CMSS1: variants seen among roughly 807,000 people sequenced by gnomAD.
CMSS1 encodes the protein protein CMSS1.
Under a neutral mutation model 43.5 loss-of-function variants are expected in CMSS1, and 33 were observed. That is an observed-to-expected ratio of 0.76 (90% CI 0.57 to 1.01). The LOEUF (loss-of-function observed/expected upper bound fraction) is 1.01, where lower values mean the gene tolerates loss of function less well. Among genes scored for constraint, CMSS1 ranks in the 50% least tolerant of loss-of-function variants. CMSS1 has a pLI of 0.00. For missense variants in CMSS1, 313 were observed against 326.4 expected, an observed-to-expected ratio of 0.96 and a Z score of 0.32; for synonymous variants, 115 against 117.2, an observed-to-expected ratio of 0.98 and a Z score of 0.12.
intron 1 of CMSS1, among the ~76,000 whole-genome samples, chr3:99,991,521 C>G (rs1431508063): frequency 6.6e-6 from 1 of 152,010 alleles, no homozygotes; most frequent in Non-Finnish European, 1.5e-5. Context: ...GCATCATGGT[C>G]AAGTCTGGGC....
rs574200143 is a variant in CMSS1, at chr3:99,930,594, G to A, written c.64+112551G>A. 2.6e-3 allele frequency among the ~76,000 whole-genome samples: 389 copies of A among 152,232 alleles called. 1 individual carries two copies. The highest frequency in any genetic ancestry group is 3.9e-3 in the Non-Finnish European group (268 of 68,018). Reference sequence around the variant, plus strand: ...TCATCATGACAGCCCCTTTAGATGGGATTAATTGCACTTTGAGTTGGCAGA... The same window carrying A: ...TCATCATGACAGCCCCTTTAGATGGAATTAATTGCACTTTGAGTTGGCAGA... On this transcript the variant is annotated intron_variant, in intron 1 of 9. Coordinates refer to ENST00000421999, the MANE Select transcript of CMSS1 (RefSeq NM_032359.4).
At chr3:99,839,331 A>G (rs917811912) in intron 1 of CMSS1, among the ~76,000 whole-genome samples, 1 of 152,256 alleles carries the variant, frequency 6.6e-6, no homozygotes, top group Admixed American at 6.5e-5. Flanking sequence ...AATAATGAGC[A>G]ATATTGCATG....
At chr3:100,120,579 C>T (rs1279034846) in intron 1 of CMSS1, among the ~76,000 whole-genome samples, 2 of 152,142 alleles carry the variant, frequency 1.3e-5, no homozygotes, top group Non-Finnish European at 2.9e-5. Flanking sequence ...CTAAGCGTGG[C>T]ACCTAGCACT....
intron 1 of CMSS1, among the ~76,000 whole-genome samples, chr3:99,857,270 G>A (rs751236947): frequency 2.6e-5 from 4 of 152,172 alleles, no homozygotes; most frequent in Non-Finnish European, 5.9e-5. Flanking sequence ...TGTTCTCCAA[G>A]AACATTATTT....
intron 5 of CMSS1, among the ~76,000 whole-genome samples, chr3:100,166,727 TCAAAATTTATTTTTTGGG>T (rs1223740013): frequency 2.6e-5 from 4 of 152,186 alleles, no homozygotes; most frequent in Non-Finnish European, 5.9e-5. Flanking sequence ...TTTTATCTTT[TCAAAATTTATTTTTTGGG>T]AGGCTGGAGA....
At chr3:100,117,837 A>G (rs1348790102) in intron 1 of CMSS1, among the ~76,000 whole-genome samples, 40 of 95,256 alleles carry the variant, frequency 4.2e-4, no homozygotes, top group African/African-American at 1.7e-3. Flanking sequence ...ATATATATAT[A>G]TATATATATA....
chr3:99,841,527 A>G (rs186422545), intron 1 of CMSS1, among the ~76,000 whole-genome samples: 2 of 152,258 alleles, frequency 1.3e-5, no homozygotes, highest in Non-Finnish European at 2.9e-5. Flanking sequence ...ACCTCCACCT[A>G]TCCAAAAGCC....
chr3:100,081,995 T>C (rs1304621969), intron 1 of CMSS1, among the ~76,000 whole-genome samples: 1 of 152,200 alleles, frequency 6.6e-6, no homozygotes, highest in African/African-American at 2.4e-5. Context: ...ATTTAGACTT[T>C]AGGCTATCTG....
chr3:100,002,307 T>A (rs1248089796), intron 1 of CMSS1, among the ~76,000 whole-genome samples: 4 of 152,244 alleles, frequency 2.6e-5, no homozygotes, highest in Admixed American at 2.6e-4. Flanking sequence ...TCAAAACTTC[T>A]TGTTGTTCAA....
At chr3:99,905,933 T>C (rs549626914) in intron 1 of CMSS1, among the ~76,000 whole-genome samples, 1 of 152,312 alleles carries the variant, frequency 6.6e-6, no homozygotes, top group South Asian at 2.1e-4. Flanking sequence ...TGGCTCATGC[T>C]TGTAGTCCCA....
At chr3:99,825,728 T>G (rs911610579) in intron 1 of CMSS1, among the ~76,000 whole-genome samples, 4 of 151,770 alleles carry the variant, frequency 2.6e-5, no homozygotes, top group Non-Finnish European at 5.9e-5. Context: ...GATTCAATAA[T>G]AATATATCAT....
intron 1 of CMSS1, among the ~76,000 whole-genome samples, chr3:100,045,455 A>G (rs769590265): frequency 2.2e-4 from 33 of 152,198 alleles, no homozygotes; most frequent in Non-Finnish European, 4.3e-4. Flanking sequence ...TAAAACCATT[A>G]GCTTTCATTG....
chr3:99,855,739 ATGTT>A (rs1943930456), intron 1 of CMSS1, among the ~76,000 whole-genome samples: 2 of 152,220 alleles, frequency 1.3e-5, no homozygotes, highest in Non-Finnish European at 2.9e-5. Flanking sequence ...GGGTTTTTAA[ATGTT>A]TGTTCTTATA....
At chr3:100,131,828 G>A (rs1000507930) in intron 1 of CMSS1, among the ~76,000 whole-genome samples, 1 of 152,198 alleles carries the variant, frequency 6.6e-6, no homozygotes, top group Non-Finnish European at 1.5e-5. Flanking sequence ...ACAAGAAAGT[G>A]AGGAAAGGAA....
intron 1 of CMSS1, among the ~76,000 whole-genome samples, chr3:99,969,022 A>G (rs1310464985): frequency 2.0e-5 from 3 of 152,206 alleles, no homozygotes; most frequent in Admixed American, 6.5e-5. Context: ...CTTAGAGGAA[A>G]GAGTAAATAG....
At chr3:99,831,972 A>G (rs1220724021) in intron 1 of CMSS1, among the ~76,000 whole-genome samples, 1 of 152,184 alleles carries the variant, frequency 6.6e-6, no homozygotes, top group Non-Finnish European at 1.5e-5. Flanking sequence ...GATTGGTATG[A>G]CACACAGTAT....
chr3:99,992,002 A>G (rs960053730), intron 1 of CMSS1, among the ~76,000 whole-genome samples: 7 of 149,716 alleles, frequency 4.7e-5, no homozygotes, highest in Admixed American at 2.0e-4. Context: ...ACGTATATAT[A>G]TGTGTGTGTG....
chr3:99,846,520 A>G (rs1943371046), intron 1 of CMSS1, among the ~76,000 whole-genome samples: 1 of 152,240 alleles, frequency 6.6e-6, no homozygotes, highest in Non-Finnish European at 1.5e-5. Context: ...ATAAACATTT[A>G]GACCATCATG....
intron 1 of CMSS1, chr3:100,041,002 T>A (rs771168452): frequency 6.6e-6 from 1 of 152,218 alleles, no homozygotes; most frequent in Non-Finnish European, 1.5e-5. Flanking sequence ...TGTCCTGAAG[T>A]ATGTCTTTGC....
Sources: gnomAD v4.1 joint callset for allele counts (sites outside exome capture counted in the v4.1 genomes callset) on GRCh38, gnomAD v4.1.1 for gene constraint, MANE v1.5 for transcripts, NCBI Gene and HGNC (gene_info 2026-07-23, HGNC 2026-07-21) for gene names.